Variants in ADRA1A observed in about 807,000 individuals in gnomAD.
The protein encoded by ADRA1A is adrenoceptor alpha 1A, also known as alpha-1A adrenergic receptor.
In ADRA1A, 31 loss-of-function variants were observed where a neutral mutation model predicts 29.6. The observed-to-expected ratio is 1.05, with a 90% confidence interval of 0.79 to 1.41. ADRA1A has a LOEUF of 1.41. Among genes scored for constraint, ADRA1A ranks in the 40% most tolerant of loss-of-function variants. ADRA1A has a pLI of 0.00. For synonymous variants in ADRA1A, 311 were observed against 254.3 expected, an observed-to-expected ratio of 1.22 and a Z score of -2.12; for missense variants, 619 against 601.1, an observed-to-expected ratio of 1.03 and a Z score of -0.31.
chr8:26,809,448 G>A (rs1305671605), intron 2 of ADRA1A, among the ~76,000 whole-genome samples: 1 of 152,078 alleles, frequency 6.6e-6, no homozygotes, highest in African/African-American at 2.4e-5. Context: ...GCTCTCATGA[G>A]CCTAGAAAGA....
downstream of ADRA1A, among the ~76,000 whole-genome samples, chr8:26,761,137 C>A (rs1354793202): frequency 6.6e-6 from 1 of 152,176 alleles, no homozygotes. Flanking sequence ...ATACAAGGTA[C>A]CCTTTAAAAT....
rs188950397 is a variant in ADRA1A, at chr8:26,838,194, A to G, written c.883+25893T>C. On this transcript the variant is annotated intron_variant, in intron 2 of 2. Coordinates refer to ENST00000380573, the MANE Select transcript of ADRA1A (RefSeq NM_000680.4). ...GTGGTTACTTTCTTTAGTTTATAAG[A>G]CCACATGTAAGTACTTTGGACAATT... is the stretch of plus-strand genomic sequence containing the variant. Among the ~76,000 whole-genome samples, 133 of 152,308 alleles carry G rather than the reference A, an allele frequency of 8.7e-4. 2 individuals are homozygous for G. The highest frequency in any genetic ancestry group is 2.8e-3 in the Admixed American group (43 of 15,296).
intron 2 of ADRA1A, among the ~76,000 whole-genome samples, chr8:26,829,832 G>A (rs1273119195): frequency 2.6e-5 from 4 of 151,986 alleles, no homozygotes; most frequent in Admixed American, 6.6e-5. Context: ...ACAGCCCCAC[G>A]CTGCCCCTGG....
At chr8:26,807,724 G>C (rs970706603) in intron 2 of ADRA1A, among the ~76,000 whole-genome samples, 2 of 152,138 alleles carry the variant, frequency 1.3e-5, no homozygotes, top group Non-Finnish European at 2.9e-5. Flanking sequence ...AAACTAGGAA[G>C]TTACTTAGAA....
downstream of ADRA1A, among the ~76,000 whole-genome samples, chr8:26,761,250 A>G (rs145037657): frequency 3.1e-3 from 478 of 152,362 alleles, 3 homozygotes; most frequent in African/African-American, 0.011. Flanking sequence ...AAGAACTTGG[A>G]GAGAAATTGG....
At chr8:26,812,885 C>T (rs1169087536) in intron 2 of ADRA1A, among the ~76,000 whole-genome samples, 1 of 151,992 alleles carries the variant, frequency 6.6e-6, no homozygotes, top group Non-Finnish European at 1.5e-5. Flanking sequence ...CCAGGATGGT[C>T]TCGATCTCCT....
chr8:26,797,712 T>C (rs1157552577), intron 2 of ADRA1A, among the ~76,000 whole-genome samples: 2 of 152,290 alleles, frequency 1.3e-5, no homozygotes, highest in East Asian at 3.9e-4. Context: ...ATGTCCTATA[T>C]AATTTTAAGA....
intron 2 of ADRA1A, among the ~76,000 whole-genome samples, chr8:26,809,502 G>A (rs922600360): frequency 7.2e-5 from 11 of 152,190 alleles, no homozygotes; most frequent in Non-Finnish European, 8.8e-5. Context: ...ATTTCCCAGT[G>A]AGCCATGACA....
Position 26,865,886 on chromosome 8 carries a change from C to T in ADRA1A, c.-686-231G>A, listed in dbSNP as rs1813870109. 4.9e-5 allele frequency among the ~76,000 whole-genome samples: 7 copies of T among 143,050 alleles called. No individual in the cohort carries two copies. The South Asian group carries it at 1.3e-3, about 27-fold the overall frequency. 93.8% of individuals were successfully genotyped at this position (143,050 alleles called of 152,430 possible). ...GTCACCTCTGCCCGAGTTCAGGATC[C>T]GAAGCGAAAAACAAACAAAAAAACA... On this transcript the variant is annotated intron_variant, in intron 1 of 2. Transcript: ENST00000380573. This position sits in a 1 kb window ranked among gnomAD's most constrained non-coding sequence, Gnocchi z 7.6.
Position 26,769,364 on chromosome 8 carries a change from A to AT in ADRA1A, c.*784dup, listed in dbSNP as rs1805972301. On this transcript the variant is annotated 3_prime_UTR_variant, in exon 3 of 3. Transcript: ENST00000380573. ...ATCTGATCTTGGAACTGTTTAATGG[A>AT]TTTTCTCTCTAGTAGTTAAATTGAA... is the stretch of plus-strand genomic sequence containing the variant. 2.5e-5 allele frequency: 25 copies of AT among 985,316 alleles called. 1 individual carries two copies. In the South Asian group the frequency reaches 1.1e-3, roughly 43 times the overall value. 61.0% of individuals were successfully genotyped at this position (985,316 alleles called of 1,614,324 possible).
intron 2 of ADRA1A, among the ~76,000 whole-genome samples, chr8:26,817,728 T>G (rs55858769): frequency 0.07 from 10,639 of 152,258 alleles, 445 homozygotes; most frequent in African/African-American, 0.084. Flanking sequence ...CAGTGAGCTG[T>G]GATTTTGTCT....
At chr8:26,749,563 C>T (rs1804835850) in intron 2 of ADRA1A, among the ~76,000 whole-genome samples, 1 of 152,102 alleles carries the variant, frequency 6.6e-6, no homozygotes, top group African/African-American at 2.4e-5. Context: ...AGGGTGGTTA[C>T]CTTTAGGGAT....
In ADRA1A at chr8:26,770,327, G is replaced by C. The variant is rs368275566; in HGVS notation, c.1223C>G (p.Ala408Gly). Reference sequence around the variant, plus strand: ...TTGGTCTTTGGACACTGTAATCCTGGCAGATCCACGGGGCATGGAAGAGAA... The same window carrying C: ...TTGGTCTTTGGACACTGTAATCCTGCCAGATCCACGGGGCATGGAAGAGAA... The part of the protein sequence containing the change: ...KFFSSMPRGS[A>G]RITVSKDQSS... Residue 408 changes from alanine (A) to glycine (G), a missense_variant, in exon 3 of 3, where the codon GCC becomes GGC. By Grantham distance (60) the Ala-to-Gly change is moderately conservative. Coordinates refer to ENST00000380573, the MANE Select transcript of ADRA1A (RefSeq NM_000680.4). 7.4e-6 allele frequency: 12 copies of C among 1,614,074 alleles called. No individual in the cohort carries two copies. In the Admixed American group the frequency reaches 8.3e-5, roughly 11 times the overall value.
chr8:26,858,919 G>T, intron 2 of ADRA1A: 2 of 494,784 alleles, frequency 4.0e-6, no homozygotes, highest in Non-Finnish European at 5.9e-6. Context: ...CAACAGTCAT[G>T]CTATTCAATG....
chr8:26,857,860 T>C (rs1046568179), intron 2 of ADRA1A, among the ~76,000 whole-genome samples: 2 of 152,216 alleles, frequency 1.3e-5, no homozygotes, highest in African/African-American at 4.8e-5. Flanking sequence ...GTACTTGTCC[T>C]TTTTCCTTGT....
chr8:26,750,336 G>A (rs1804866800), intron 2 of ADRA1A, among the ~76,000 whole-genome samples: 1 of 152,050 alleles, frequency 6.6e-6, no homozygotes, highest in Admixed American at 6.5e-5. Context: ...CAAGTAGCTG[G>A]GACTACAGAC....
chr8:26,857,145 T>G (rs562993581), intron 2 of ADRA1A, among the ~76,000 whole-genome samples: 31 of 152,266 alleles, frequency 2.0e-4, no homozygotes, highest in South Asian at 4.2e-4. Flanking sequence ...GCCTCACAGT[T>G]TCTGCCTTGA....
intron 2 of ADRA1A, chr8:26,859,172 C>T: frequency 7.8e-7 from 1 of 1,289,854 alleles, no homozygotes; most frequent in Non-Finnish European, 1.0e-6. Flanking sequence ...CCCTTTTCTC[C>T]AAAACAGCAC....
intron 2 of ADRA1A, among the ~76,000 whole-genome samples, chr8:26,851,888 G>A (rs919621929): frequency 2.0e-5 from 3 of 151,980 alleles, no homozygotes; most frequent in Non-Finnish European, 4.4e-5. Context: ...AAGATTAATG[G>A]ATAAAGAAGA....
Sources: gnomAD v4.1 joint callset for allele counts (sites outside exome capture counted in the v4.1 genomes callset) on GRCh38, gnomAD v4.1.1 for gene constraint, Gnocchi (gnomAD v3.1) non-coding constraint, MANE v1.5 for transcripts, NCBI Gene and HGNC (gene_info 2026-07-23, HGNC 2026-07-21) for gene names.